Variants in ATL1 observed in about 807,000 individuals in gnomAD.
ATL1 encodes atlastin-1.
ATL1 carries 31 observed loss-of-function variants against 75.5 expected under a neutral mutation model. The ratio of observed to expected loss-of-function variants is 0.41; its 90% CI spans 0.31 to 0.55. The LOEUF is 0.55. Ranked by LOEUF, ATL1 falls within the 20% of genes least tolerant of loss-of-function variation. The probability of loss-of-function intolerance (pLI) is 0.27; values close to 1 mark genes in which losing one functional copy is unlikely to be tolerated. For synonymous variants in ATL1, 226 were observed against 233.3 expected, an observed-to-expected ratio of 0.97 and a Z score of 0.28; for missense variants, 405 against 662.6, an observed-to-expected ratio of 0.61 and a Z score of 4.27.
chr14:50,579,236 A>G (rs1423143149), intron 1 of ATL1, among the ~76,000 whole-genome samples: 2 of 152,158 alleles, frequency 1.3e-5, no homozygotes, highest in African/African-American at 4.8e-5. Context: ...ATTTAGCATC[A>G]TTTATTGAAA....
intron 1 of ATL1, among the ~76,000 whole-genome samples, chr14:50,578,617 ACCATATTGT>A (rs2039028770): frequency 6.6e-6 from 1 of 152,152 alleles, no homozygotes; most frequent in Non-Finnish European, 1.5e-5. Flanking sequence ...TCAGAGTTAT[ACCATATTGT>A]ACACACTGTA....
At position 50,574,935 on chromosome 14, in the gene ATL1, GTGTA is replaced by G. The variant is rs397937266; in HGVS notation, c.35-12894_35-12891del. 8.1e-3 allele frequency among the ~76,000 whole-genome samples: 280 copies of G among 34,536 alleles called. 1 individual carries two copies. Among genetic ancestry groups the G allele is most frequent in the East Asian group, 0.021 (20 of 958 alleles). 22.7% of individuals were successfully genotyped at this position (34,536 alleles called of 152,430 possible). On this transcript the variant is annotated intron_variant, in intron 1 of 13. Transcript: ENST00000358385. ...TGTGTGTGTGTGTGTGTGTGTGTGTGTGTATATATATATATATATATATATATAT... is the reference window on the plus strand; with the variant it reads ...TGTGTGTGTGTGTGTGTGTGTGTGTGTATATATATATATATATATATATAT...
chr14:50,585,809 G>T (rs575881186), intron 1 of ATL1, among the ~76,000 whole-genome samples: 1 of 152,196 alleles, frequency 6.6e-6, no homozygotes, highest in Non-Finnish European at 1.5e-5. Context: ...CTGTGAAATG[G>T]CAATATAGAA....
At chr14:50,575,425 A>G (rs375301200) in intron 1 of ATL1, among the ~76,000 whole-genome samples, 19 of 152,280 alleles carry the variant, frequency 1.2e-4, no homozygotes, top group East Asian at 7.7e-4. Context: ...ATATAATCCC[A>G]TATCTCTACT....
At chr14:50,626,313 C>A (rs2039519843) in intron 11 of ATL1, among the ~76,000 whole-genome samples, 1 of 152,152 alleles carries the variant, frequency 6.6e-6, no homozygotes. Context: ...TTCTGGATGC[C>A]ATGAAGAGAA....
At chr14:50,598,537 G>C (rs2039242885) in intron 6 of ATL1, among the ~76,000 whole-genome samples, 2 of 151,664 alleles carry the variant, frequency 1.3e-5, no homozygotes, top group African/African-American at 4.8e-5. Context: ...ATTTTGTTGT[G>C]CTTTTAGTAG....
chr14:50,533,453 T>C (rs2038448730), intron 1 of ATL1: 1 of 152,136 alleles, frequency 6.6e-6, no homozygotes, highest in African/African-American at 2.4e-5. Flanking sequence ...TAAGAGGTCT[T>C]AAAATACTTA....
intron 1 of ATL1, among the ~76,000 whole-genome samples, chr14:50,534,565 T>C (rs1213070293): frequency 6.6e-6 from 1 of 152,266 alleles, no homozygotes; most frequent in Non-Finnish European, 1.5e-5. Context: ...TTTGAGGTCA[T>C]AGGCTTCAAC....
intron 1 of ATL1, among the ~76,000 whole-genome samples, chr14:50,563,500 G>GA (rs2038871707): frequency 6.6e-6 from 1 of 152,106 alleles, no homozygotes; most frequent in African/African-American, 2.4e-5. Flanking sequence ...AAGTTAGAAA[G>GA]AAAAAGGCAT....
intron 1 of ATL1, among the ~76,000 whole-genome samples, chr14:50,572,766 T>A (rs1185285101): frequency 6.6e-6 from 1 of 152,220 alleles, no homozygotes; most frequent in Non-Finnish European, 1.5e-5. Flanking sequence ...ATCCTATATA[T>A]GTTGATATGT....
In ATL1 at chr14:50,560,237, G is replaced by C; in HGVS notation, c.-29G>C. The C allele has an allele frequency of 1.2e-6, 2 of 1,613,286 alleles. No homozygotes were observed. Among genetic ancestry groups the C allele is most frequent in the Non-Finnish European group, 1.7e-6 (2 of 1,179,590 alleles). On this transcript the variant is annotated 5_prime_UTR_variant, in exon 1 of 14. Coordinates refer to ENST00000358385, the MANE Select transcript of ATL1 (RefSeq NM_015915.5). ...AGAAGGCAGCGAGCGCAGTGACAGC[G>C]CCTCACCGCCACCAGCTCCTGGACC...
intron 6 of ATL1, among the ~76,000 whole-genome samples, chr14:50,606,927 T>C (rs1377369490): frequency 6.6e-6 from 1 of 152,104 alleles, no homozygotes; most frequent in Admixed American, 6.6e-5. Flanking sequence ...AAATTAGGTC[T>C]TATTATTTAT....
At position 50,630,019 on chromosome 14, in the gene ATL1, A is replaced by T. The variant is rs376646323; in HGVS notation, c.1566+10A>T. On this transcript the variant is annotated intron_variant, in intron 13 of 13. Coordinates refer to ENST00000358385, the MANE Select transcript of ATL1 (RefSeq NM_015915.5). ...GGGAAGTACAAATGAGGTAAGTTAA[A>T]TTTTTTAAAATTCAGAGCTATGTAT... is the stretch of plus-strand genomic sequence containing the variant. 5.7e-6 allele frequency: 9 copies of T among 1,590,598 alleles called. No homozygotes were observed. The African/African-American group carries it at 6.7e-5, about 12-fold the overall frequency.
At position 50,563,878 on chromosome 14, in the gene ATL1, T is replaced by C. The variant is rs138564061; in HGVS notation, c.34+3579T>C. 8.5e-5 allele frequency among the ~76,000 whole-genome samples: 13 copies of C among 152,322 alleles called. No homozygotes were observed. In the East Asian group the frequency reaches 2.5e-3, roughly 29 times the overall value. On this transcript the variant is annotated intron_variant, in intron 1 of 13. Coordinates refer to ENST00000358385, the MANE Select transcript of ATL1 (RefSeq NM_015915.5). ...ATTCTTCCAAAATAGGCATTGTTAT[T>C]ATTAATCATTTGAATGTATAAGAGA...
intron 1 of ATL1, among the ~76,000 whole-genome samples, chr14:50,548,262 C>A (rs1299885967): frequency 1.3e-5 from 2 of 152,152 alleles, no homozygotes; most frequent in South Asian, 4.1e-4. Flanking sequence ...GATATTCATT[C>A]CTCATTTGGC....
At chr14:50,595,726 T>C (rs2039209970) in intron 6 of ATL1, 94 bp downstream of exon 6, 1 of 1,230,750 alleles carries the variant, frequency 8.1e-7, no homozygotes, top group African/African-American at 1.5e-5. Flanking sequence ...CTTCTCTTTT[T>C]ATTTCATTGA....
At chr14:50,563,760 T>G (rs1250452569) in intron 1 of ATL1, among the ~76,000 whole-genome samples, 1 of 152,222 alleles carries the variant, frequency 6.6e-6, no homozygotes, top group East Asian at 1.9e-4. Flanking sequence ...GAGATAAAAC[T>G]GGGAAGCGAG....
At position 50,587,765 on chromosome 14, in the gene ATL1, A is replaced by T. The variant is rs2039116086; in HGVS notation, c.35-66A>T. ...CTGTGTCGGATGTTTGAGAGTTAAG[A>T]GGTACATATACATTTCTTGGCACTT... On this transcript the variant is annotated intron_variant, in intron 1 of 13. Coordinates refer to ENST00000358385, the MANE Select transcript of ATL1 (RefSeq NM_015915.5). 5.0e-6 allele frequency: 8 copies of T among 1,602,034 alleles called. No homozygotes were observed. The South Asian group carries it at 7.7e-5, about 15-fold the overall frequency.
At chr14:50,621,922 G>A (rs780908334) in intron 10 of ATL1, 23 bp downstream of exon 10, 24 of 1,521,188 alleles carry the variant, frequency 1.6e-5, no homozygotes, top group Middle Eastern at 1.7e-4. Context: ...GAGGAGGCAT[G>A]TTTTAAGACA....
Sources: gnomAD v4.1 joint callset for allele counts (sites outside exome capture counted in the v4.1 genomes callset) on GRCh38, gnomAD v4.1.1 for gene constraint, MANE v1.5 for transcripts, NCBI Gene and HGNC (gene_info 2026-07-23, HGNC 2026-07-21) for gene names.